The following GRID2 variants were observed in gnomAD, a reference collection of about 807,000 sequenced individuals.
The protein encoded by GRID2 is glutamate receptor ionotropic, delta-2.
Under a neutral mutation model 114.8 loss-of-function variants are expected in GRID2, and 33 were observed. The ratio of observed to expected loss-of-function variants is 0.29; its 90% confidence interval spans 0.22 to 0.38. The LOEUF is 0.38. Among genes scored for constraint, GRID2 ranks in the 10% least tolerant of loss-of-function variants. GRID2 has a pLI of 1.00. For synonymous variants in GRID2, 505 were observed against 449.9 expected (o/e 1.12, Z -1.55); for missense variants, 1,184 against 1,257.7 (o/e 0.94, Z 0.89).
chr4:92,722,906 A>C (rs1457554442), intron 2 of GRID2, among the ~76,000 whole-genome samples: 1 of 152,074 alleles, frequency 6.6e-6, no homozygotes, highest in Non-Finnish European at 1.5e-5. Flanking sequence ...AAGGATCTCA[A>C]ACTTTAGGCT....
chr4:93,733,217 G>A (rs745344761), intron 14 of GRID2, among the ~76,000 whole-genome samples: 1 of 152,060 alleles, frequency 6.6e-6, no homozygotes, highest in Non-Finnish European at 1.5e-5. Context: ...TGTACACACT[G>A]ATATATCTTC....
chr4:93,620,006 C>T (rs1173036827), intron 13 of GRID2, among the ~76,000 whole-genome samples: 1 of 152,180 alleles, frequency 6.6e-6, no homozygotes, highest in Non-Finnish European at 1.5e-5. Flanking sequence ...GGAAGATAGC[C>T]TTGATCTCAC....
intron 14 of GRID2, among the ~76,000 whole-genome samples, chr4:93,628,188 T>G (rs1161435120): frequency 6.6e-6 from 1 of 151,962 alleles, no homozygotes; most frequent in Non-Finnish European, 1.5e-5. Flanking sequence ...CAAAATACAT[T>G]TATTGACGAG....
At chr4:93,799,564 G>A (rs1036161238) in intron 1 of GRID2, among the ~76,000 whole-genome samples, 1 of 151,862 alleles carries the variant, frequency 6.6e-6, no homozygotes, top group East Asian at 1.9e-4. Flanking sequence ...AAAATAAATA[G>A]AAATAAAAAT....
intron 2 of GRID2, among the ~76,000 whole-genome samples, chr4:92,681,345 A>T (rs900247250): frequency 6.6e-6 from 1 of 152,116 alleles, no homozygotes; most frequent in Admixed American, 6.6e-5. Flanking sequence ...GAACCTATGC[A>T]CTGTTCAAAA....
At chr4:92,968,983 A>T (rs1183839433) in intron 2 of GRID2, among the ~76,000 whole-genome samples, 1 of 151,768 alleles carries the variant, frequency 6.6e-6, no homozygotes, top group Non-Finnish European at 1.5e-5. Flanking sequence ...ATGTGTTCAA[A>T]AATAAGGCTG....
intron 2 of GRID2, among the ~76,000 whole-genome samples, chr4:92,881,190 A>C (rs1360470861): frequency 6.6e-6 from 1 of 152,186 alleles, no homozygotes. Context: ...GGCGTGAGCC[A>C]CCCAGCTCGG....
rs147261314 is a variant in GRID2, at chr4:92,820,164, G to A, written c.244+229878G>A. On this transcript the variant is annotated intron_variant, in intron 2 of 15. Coordinates refer to ENST00000282020, the MANE Select transcript of GRID2 (RefSeq NM_001510.4). ...CATGGGAATTAATGAGTTTTATAAA[G>A]TTTATTGGTTTTTAGGGGAGAGGGC... Among the ~76,000 whole-genome samples, 1,395 of 152,224 alleles carry A rather than the reference G, an allele frequency of 9.2e-3. 34 individuals carry two copies. Among genetic ancestry groups the A allele is most frequent in the African/African-American group, 0.032 (1,324 of 41,556 alleles).
At chr4:92,476,357 A>G (rs1035701356) in intron 1 of GRID2, among the ~76,000 whole-genome samples, 3 of 152,204 alleles carry the variant, frequency 2.0e-5, no homozygotes, top group Admixed American at 6.5e-5. Flanking sequence ...TAAACATAAG[A>G]TAATTTTCTA....
chr4:93,610,864 G>T lies in GRID2; in HGVS notation c.2194-15405G>T, dbSNP rs985882180. 1.8e-4 allele frequency among the ~76,000 whole-genome samples: 25 copies of T among 135,540 alleles called. 4 individuals are homozygous for T. Among genetic ancestry groups the T allele is most frequent in the African/African-American group, 6.5e-4 (21 of 32,224 alleles). 88.9% of individuals were successfully genotyped at this position (135,540 alleles called of 152,430 possible). On this transcript the variant is annotated intron_variant, in intron 13 of 15. Coordinates refer to ENST00000282020, the MANE Select transcript of GRID2 (RefSeq NM_001510.4). ...AGGGAGGATTCCCTCTTTTTCTATTGATTGGAATAGTTTCAGAAGGAATGG... is the reference window on the plus strand; with the variant it reads ...AGGGAGGATTCCCTCTTTTTCTATTTATTGGAATAGTTTCAGAAGGAATGG...
chr4:92,622,344 T>G (rs1388585296), intron 2 of GRID2, among the ~76,000 whole-genome samples: 1 of 151,714 alleles, frequency 6.6e-6, no homozygotes, highest in Non-Finnish European at 1.5e-5. Context: ...TCTTATAACT[T>G]TAAGAACTCT....
At chr4:93,283,042 C>G (rs1253484861) in intron 8 of GRID2, among the ~76,000 whole-genome samples, 1 of 152,168 alleles carries the variant, frequency 6.6e-6, no homozygotes, top group South Asian at 2.1e-4. Context: ...GGCCCCATCT[C>G]CAACATTGGG....
intron 2 of GRID2, among the ~76,000 whole-genome samples, chr4:92,614,636 T>C (rs1729914319): frequency 6.6e-6 from 1 of 151,676 alleles, no homozygotes; most frequent in African/African-American, 2.4e-5. Flanking sequence ...GTGTATTCTA[T>C]TCTGGAGTAT....
At chr4:92,580,714 A>G (rs1485191754) in intron 1 of GRID2, among the ~76,000 whole-genome samples, 4 of 150,566 alleles carry the variant, frequency 2.7e-5, no homozygotes, top group Non-Finnish European at 5.9e-5. Context: ...TTTTACTTAT[A>G]GTAGTATAGG....
At chr4:93,205,985 G>T (rs56059412) in intron 4 of GRID2, among the ~76,000 whole-genome samples, 1 of 151,676 alleles carries the variant, frequency 6.6e-6, no homozygotes, top group Non-Finnish European at 1.5e-5. Context: ...CATATCCTTC[G>T]CTCACTTCAC....
intron 1 of GRID2, among the ~76,000 whole-genome samples, chr4:92,525,889 G>A (rs911506184): frequency 1.3e-5 from 2 of 152,086 alleles, no homozygotes; most frequent in African/African-American, 4.8e-5. Context: ...TGGTGAGAAC[G>A]CAAGAGAAGT....
chr4:92,912,792 CTT>C (rs767986310), intron 2 of GRID2, among the ~76,000 whole-genome samples: 3 of 151,744 alleles, frequency 2.0e-5, no homozygotes, highest in Non-Finnish European at 3.0e-5. Context: ...AAGTTTGAGA[CTT>C]TATAAAAGCA....
chr4:92,651,116 C>T (rs568582622), intron 2 of GRID2, among the ~76,000 whole-genome samples: 2 of 151,974 alleles, frequency 1.3e-5, no homozygotes, highest in African/African-American at 2.4e-5. Flanking sequence ...TCTATAAGTG[C>T]ATAGATGGTA....
chr4:92,948,770 A>G (rs1751824513), intron 2 of GRID2, among the ~76,000 whole-genome samples: 1 of 152,092 alleles, frequency 6.6e-6, no homozygotes, highest in Non-Finnish European at 1.5e-5. Context: ...ATTGAAGTAT[A>G]ATGAATTAGT....
Sources: allele counts gnomAD v4.1 joint callset (sites outside exome capture counted in the v4.1 genomes callset), GRCh38; gene constraint gnomAD v4.1.1; transcripts MANE v1.5; gene names NCBI Gene and HGNC (gene_info 2026-07-23, HGNC 2026-07-21).